OSBPL3: variants seen among roughly 807,000 people sequenced by gnomAD.
The protein encoded by OSBPL3 is oxysterol-binding protein-related protein 3.
Under a neutral mutation model 120.1 loss-of-function variants are expected in OSBPL3, and 65 were observed. That is an observed-to-expected ratio of 0.54 (90% CI 0.44 to 0.67). The LOEUF (loss-of-function observed/expected upper bound fraction) is 0.67, where lower values mean the gene tolerates loss of function less well. Ranked by LOEUF, OSBPL3 falls within the 30% of genes least tolerant of loss-of-function variation. The pLI, the probability that OSBPL3 is intolerant of heterozygous loss-of-function variation, is 0.00. For synonymous variants in OSBPL3, 416 were observed against 402.6 expected (o/e 1.03, Z -0.40); for missense variants, 1,004 against 1,082.1 (o/e 0.93, Z 1.01).
Position 24,852,371 on chromosome 7 carries a change from G to T in OSBPL3, c.1158+133C>A. On this transcript the variant is annotated intron_variant, in intron 11 of 22. Coordinates refer to ENST00000313367, the MANE Select transcript of OSBPL3 (RefSeq NM_015550.4). The surrounding 1 kb of genome is among the most constrained non-coding windows in gnomAD (Gnocchi z 4.1). ...GGTGTTTCAAATAAGCAGATTTGAT[G>T]AAAGGTTAGAATATAATTTGGATAA... 2.9e-6 allele frequency: 2 copies of T among 692,482 alleles called. No homozygotes were observed. The highest frequency in any genetic ancestry group is 1.8e-5 in the African/African-American group (1 of 54,448). 42.9% of individuals were successfully genotyped at this position (692,482 alleles called of 1,614,324 possible).
chr7:24,883,085 G>A lies in OSBPL3; in HGVS notation c.96+9292C>T, dbSNP rs907819670. ...ACTTTTTAGTTTAATTAAGTAGGAA[G>A]TGAACATGTCTTTTTATGATTCAGC... On this transcript the variant is annotated intron_variant, in intron 2 of 22. Coordinates refer to ENST00000313367, the MANE Select transcript of OSBPL3 (RefSeq NM_015550.4). This position sits in a 1 kb window ranked among gnomAD's most constrained non-coding sequence, Gnocchi z 5.4. 1.3e-5 allele frequency among the ~76,000 whole-genome samples: 2 copies of A among 152,166 alleles called. No individual in the cohort carries two copies. Among genetic ancestry groups the A allele is most frequent in the Non-Finnish European group, 1.5e-5 (1 of 68,034 alleles).
rs750237279 is a variant in OSBPL3, at chr7:24,922,307, C to T, written c.-149-29686G>A. ...GGGGACTGGGGAGAGCACAAACTTT[C>T]GTGTTAGAAAGGTGGCTTGTCCTTA... On this transcript the variant is annotated intron_variant, in intron 1 of 22. Coordinates refer to ENST00000313367, the MANE Select transcript of OSBPL3 (RefSeq NM_015550.4). This position sits in a 1 kb window ranked among gnomAD's most constrained non-coding sequence, Gnocchi z 4.3. Among the ~76,000 whole-genome samples, 64 of 152,176 alleles carry T rather than the reference C, an allele frequency of 4.2e-4. No homozygotes were observed. The highest frequency in any genetic ancestry group is 8.4e-4 in the Non-Finnish European group (57 of 68,012).
chr7:24,979,157 A>T (rs759773793), intron 1 of OSBPL3, among the ~76,000 whole-genome samples: 1 of 152,210 alleles, frequency 6.6e-6, no homozygotes, highest in Admixed American at 6.5e-5. Flanking sequence ...ACGTTCAGAC[A>T]GAGTGCATAA....
intron 1 of OSBPL3, among the ~76,000 whole-genome samples, chr7:24,931,075 C>T (rs1369967413): frequency 6.6e-6 from 1 of 152,162 alleles, no homozygotes; most frequent in African/African-American, 2.4e-5. Context: ...CAAGTCTGAA[C>T]AGTCATTTGA....
intron 22 of OSBPL3, among the ~76,000 whole-genome samples, 174 bp from the exon 23 acceptor site, chr7:24,800,453 C>CTTTTTT: frequency 8.4e-6 from 1 of 119,528 alleles, no homozygotes; most frequent in Non-Finnish European, 1.7e-5. Flanking sequence ...AATTTTGTTA[C>CTTTTTT]TTTTTTTTTT....
chr7:24,844,277 A>AACCT (rs1225276873), intron 12 of OSBPL3, among the ~76,000 whole-genome samples: 2 of 152,248 alleles, frequency 1.3e-5, no homozygotes, highest in Non-Finnish European at 2.9e-5. Context: ...AAGCGTGGCC[A>AACCT]ACCTACAGCC....
In OSBPL3 at chr7:24,803,627, C is replaced by T. The variant is rs975155194; in HGVS notation, c.2567+688G>A. On this transcript the variant is annotated intron_variant, in intron 22 of 22. Coordinates refer to ENST00000313367, the MANE Select transcript of OSBPL3 (RefSeq NM_015550.4). This position sits in a 1 kb window ranked among gnomAD's most constrained non-coding sequence, Gnocchi z 4.2. ...CTCTACTAAAAATACAAAAATTAGC[C>T]GGGCATGGTGGCACGCGCCTGTAGT... Among the ~76,000 whole-genome samples the T allele has an allele frequency of 1.2e-4, 18 of 151,990 alleles. No individual in the cohort carries two copies. Among genetic ancestry groups the T allele is most frequent in the African/African-American group, 2.4e-4 (10 of 41,352 alleles).
At chr7:24,961,108 T>C (rs1325304341) in intron 1 of OSBPL3, among the ~76,000 whole-genome samples, 2 of 152,182 alleles carry the variant, frequency 1.3e-5, no homozygotes, top group Non-Finnish European at 2.9e-5. Flanking sequence ...AGGATTAGAA[T>C]TAACCACTAA....
rs142720310 is a variant in OSBPL3, at chr7:24,938,779, ATGTGTGTGTGTGTGTGTGTG to A, written c.-150+41087_-150+41106del. Among the ~76,000 whole-genome samples the A allele has an allele frequency of 3.2e-5, 3 of 94,232 alleles. No homozygotes were observed. Among genetic ancestry groups the A allele is most frequent in the South Asian group, 4.1e-4 (1 of 2,430 alleles). 61.8% of individuals were successfully genotyped at this position (94,232 alleles called of 152,430 possible). A position where few individuals can be genotyped will look rare whatever the true frequency, so the allele number is the denominator to read the frequency against. On this transcript the variant is annotated intron_variant, in intron 1 of 22. Transcript: ENST00000313367. The surrounding 1 kb of genome is among the most constrained non-coding windows in gnomAD (Gnocchi z 5.8). ...AACTGAATAATGAGGTTTTGTTTTG[ATGTGTGTGTGTGTGTGTGTG>A]TGTGTGTGTGTGTGTGTGTGTGTGT...
chr7:24,979,601 C>T (rs994393379), intron 1 of OSBPL3, among the ~76,000 whole-genome samples: 46 of 152,180 alleles, frequency 3.0e-4, no homozygotes, highest in African/African-American at 1.0e-3. Context: ...GCGCCGCGGC[C>T]CCTGCGCTCG....
At chr7:24,800,749 G>A (rs1362442317) in intron 22 of OSBPL3, among the ~76,000 whole-genome samples, 1 of 151,878 alleles carries the variant, frequency 6.6e-6, no homozygotes, top group Non-Finnish European at 1.5e-5. Context: ...GAGCCACCAC[G>A]CTGGCCCATT....
chr7:24,842,312 T>C lies in OSBPL3; in HGVS notation c.1368A>G (p.Glu456=). ...DSLSEFFDAQ[E]VLLSPSSSEN... ...CTGAAGAGCTTGGAGATAACAGAAC[T>C]TCCTGAGCATCAAAAAACTCAGAAA... is the stretch of plus-strand genomic sequence containing the variant. The change falls in exon 13 of 23, where the codon GAA becomes GAG. Residue 456 remains glutamate, a synonymous_variant. Transcript: ENST00000313367. 1 of 1,613,690 alleles carries C rather than the reference T, an allele frequency of 6.2e-7. No individual in the cohort carries two copies.
intron 5 of OSBPL3, among the ~76,000 whole-genome samples, chr7:24,869,413 T>C (rs1480664790): frequency 6.6e-6 from 1 of 152,166 alleles, no homozygotes; most frequent in Non-Finnish European, 1.5e-5. Flanking sequence ...AAAACGATAG[T>C]ATTCTTTCTT....
At chr7:24,865,199 G>C (rs1239691234) in intron 7 of OSBPL3, 143 bp downstream of exon 7, 5 of 764,890 alleles carry the variant, frequency 6.5e-6, no homozygotes, top group Non-Finnish European at 1.1e-5. Flanking sequence ...TTTTGTTGAT[G>C]ATGGGTGCAA....
In OSBPL3 at chr7:24,834,809, A is replaced by C; in HGVS notation, c.1496-73T>G. The C allele has an allele frequency of 7.4e-7, 1 of 1,353,228 alleles. No homozygotes were observed. The highest frequency in any genetic ancestry group is 9.9e-7 in the Non-Finnish European group (1 of 1,005,778). 83.8% of individuals were successfully genotyped at this position (1,353,228 alleles called of 1,614,324 possible). Reference sequence around the variant, plus strand: ...TTCTATTATTTTTAATCCACGAATAAAACCTTACGTAGCAAGTAGTCAATG... The same window carrying C: ...TTCTATTATTTTTAATCCACGAATACAACCTTACGTAGCAAGTAGTCAATG... On this transcript the variant is annotated intron_variant, in intron 14 of 22. Transcript: ENST00000313367. The surrounding 1 kb of genome is among the most constrained non-coding windows in gnomAD (Gnocchi z 5.2).
rs1019059949 is a variant in OSBPL3, at chr7:24,932,575, A to G, written c.-149-39954T>C. Among the ~76,000 whole-genome samples the G allele has an allele frequency of 6.6e-6, 1 of 152,074 alleles. No homozygotes were observed. Among genetic ancestry groups the G allele is most frequent in the African/African-American group, 2.4e-5 (1 of 41,398 alleles). On this transcript the variant is annotated intron_variant, in intron 1 of 22. Coordinates refer to ENST00000313367, the MANE Select transcript of OSBPL3 (RefSeq NM_015550.4). The surrounding 1 kb of genome is among the most constrained non-coding windows in gnomAD (Gnocchi z 5.6). ...GAATGGGACTAGTGCCCTTTTAAAG[A>G]TTCCCCACAGAGCTGCCTTGTCCCT...
chr7:24,865,464 C>T lies in OSBPL3; in HGVS notation c.551G>A (p.Arg184His), dbSNP rs3735541. The change falls in exon 7 of 23, where the codon CGT becomes CAT. Residue 184 changes from arginine to histidine, a missense_variant and splice_region_variant. Arg to His is a conservative substitution (Grantham distance 29). This residue lies in a region of OSBPL3 where 255 missense variants were observed against 248.7 expected (regional missense o/e 1.03). Coordinates refer to ENST00000313367, the MANE Select transcript of OSBPL3 (RefSeq NM_015550.4). ...TAAATTCTGCTTTGATATACTGCTA[C>T]GCTGTTCCACGGATGACAAAAGCAC... Reference protein sequence around the residue: ...GVFDSISSRKRSSISKQNLFQ... With the variant: ...GVFDSISSRKHSSISKQNLFQ... 54 of 1,613,204 alleles carry T rather than the reference C, an allele frequency of 3.3e-5. No homozygotes were observed. Among genetic ancestry groups the T allele is most frequent in the East Asian group, 1.1e-4 (5 of 44,858 alleles).
chr7:24,892,870 C>T (rs902976338), intron 1 of OSBPL3, among the ~76,000 whole-genome samples: 1 of 152,166 alleles, frequency 6.6e-6, no homozygotes, highest in African/African-American at 2.4e-5. Flanking sequence ...AGTCCAGACA[C>T]ATACAAAATC....
Position 24,854,165 on chromosome 7 carries a change from G to A in OSBPL3, c.1028-1531C>T, listed in dbSNP as rs1365291644. On this transcript the variant is annotated intron_variant, in intron 10 of 22. Transcript: ENST00000313367. The surrounding 1 kb of genome is among the most constrained non-coding windows in gnomAD (Gnocchi z 4.1). ...GAAGCTGTTATCTAAATTACTGATC[G>A]TGGCTATCACATTTGAATATTATCT... Among the ~76,000 whole-genome samples, 1 of 151,292 alleles carries A rather than the reference G, an allele frequency of 6.6e-6. No individual in the cohort carries two copies. Among genetic ancestry groups the A allele is most frequent in the Non-Finnish European group, 1.5e-5 (1 of 67,994 alleles).
Sources: gnomAD v4.1 joint callset for allele counts (sites outside exome capture counted in the v4.1 genomes callset) on GRCh38, gnomAD v4.1.1 for gene constraint, gnomAD v4.1.1 regional missense constraint, Gnocchi (gnomAD v3.1) non-coding constraint, MANE v1.5 for transcripts, NCBI Gene and HGNC (gene_info 2026-07-23, HGNC 2026-07-21) for gene names.